The following C6orf120 variants were observed in gnomAD, a reference collection of about 807,000 sequenced individuals.
The protein encoded by C6orf120 is chromosome 6 open reading frame 120, also known as UPF0669 protein C6orf120.
For synonymous variants in C6orf120, 165 were observed against 123.1 expected, an observed-to-expected ratio of 1.34 and a Z score of -2.25; for missense variants, 311 against 264.2, an observed-to-expected ratio of 1.18 and a Z score of -1.23.
At chr6:169,706,064 G>C (rs1788775177), downstream of C6orf120, among the ~76,000 whole-genome samples, 5 of 152,186 alleles carry the variant, frequency 3.3e-5, no homozygotes, top group South Asian at 1.0e-3. Context: ...AATCCAAGTA[G>C]CAAATGACCA....
chr6:169,705,527 T>C (rs935668226), downstream of C6orf120: 6 of 834,404 alleles, frequency 7.2e-6, no homozygotes, highest in Admixed American at 3.7e-5. Context: ...GGTGACTCTT[T>C]GGTTGAAATC....
chr6:169,705,271 T>A, downstream of C6orf120: 2 of 1,613,464 alleles, frequency 1.2e-6, no homozygotes, highest in Non-Finnish European at 1.7e-6. Context: ...CATGGGTAGG[T>A]CTTAATCATA....
chr6:169,705,358 G>A, downstream of C6orf120: 1 of 1,448,722 alleles, frequency 6.9e-7, no homozygotes, highest in Non-Finnish European at 9.5e-7. Context: ...TCTCACATAA[G>A]AAATTTTAAC....
chr6:169,704,125 T>C (rs1053549804), exon 1 of C6orf120: 4 of 1,488,848 alleles, frequency 2.7e-6, no homozygotes, highest in Non-Finnish European at 3.6e-6. Context: ...TGAAAAATTA[T>C]CTTTACAGGA....
At chr6:169,706,337 T>G (rs978446064), downstream of C6orf120, among the ~76,000 whole-genome samples, 1 of 152,016 alleles carries the variant, frequency 6.6e-6, no homozygotes, top group Non-Finnish European at 1.5e-5. Context: ...GCATGTCTAA[T>G]AAAAGAATCT....
At chr6:169,702,138 G>A (rs1315245906), upstream of C6orf120, 2 of 589,908 alleles carry the variant, frequency 3.4e-6, no homozygotes, top group East Asian at 3.7e-5. Flanking sequence ...TTCCGCCTCC[G>A]GCGAGGCTCC....
At chr6:169,705,046 T>C (rs952998979), downstream of C6orf120, 3 of 972,164 alleles carry the variant, frequency 3.1e-6, no homozygotes, top group South Asian at 3.8e-5. Flanking sequence ...AAGCTCTTCA[T>C]GTCATGATAG....
At chr6:169,702,686 C>T (rs866493031) in exon 1 of C6orf120, 6 of 1,613,352 alleles carry the variant, frequency 3.7e-6, no homozygotes, top group South Asian at 1.1e-5. Context: ...AAGGGAGATG[C>T]GGATCTGTAC....
chr6:169,703,087 C>T, exon 1 of C6orf120: 1 of 1,506,186 alleles, frequency 6.6e-7, no homozygotes, highest in Non-Finnish European at 9.0e-7. Context: ...AAGCTGATTG[C>T]AGTTTGCTGT....
chr6:169,702,204 C>G (rs576580290), exon 1 of C6orf120: 1 of 678,976 alleles, frequency 1.5e-6, no homozygotes, highest in East Asian at 2.8e-5. Context: ...GTGGTGAGTC[C>G]GAGGGTGCCA....
downstream of C6orf120, chr6:169,704,916 C>T (rs1788723010): frequency 9.7e-6 from 4 of 410,614 alleles, no homozygotes; most frequent in Non-Finnish European, 1.8e-5. Flanking sequence ...ACTTCCAAAA[C>T]TTAGCAGGGG....
chr6:169,702,540 A>G lies in C6orf120; in HGVS notation c.81A>G (p.Gly27=), dbSNP rs539202530. ...TAGCCTCGCAGGTCCTGTCTCCGGG[A>G]AGCTGCGCGGACGAGGAGGAGGTCC... The change falls in exon 1 of 1, where the codon GGA becomes GGG. Residue 27 remains glycine, a synonymous_variant. Coordinates refer to ENST00000332290, the Ensembl canonical transcript of C6orf120. 7 of 1,612,106 alleles carry G rather than the reference A, an allele frequency of 4.3e-6. No homozygotes were observed. The Admixed American group carries it at 6.7e-5, about 15-fold the overall frequency.
exon 1 of C6orf120, chr6:169,704,093 G>GA: frequency 1.3e-6 from 2 of 1,571,340 alleles, no homozygotes; most frequent in Non-Finnish European, 1.7e-6. Context: ...AGCGACCTAG[G>GA]AAAAAAATTG....
exon 1 of C6orf120, chr6:169,703,373 C>G (rs757578985): frequency 3.4e-6 from 1 of 291,902 alleles, no homozygotes; most frequent in Non-Finnish European, 6.9e-6. Flanking sequence ...AGGTTGATAA[C>G]TTTGTAATTT....
exon 1 of C6orf120, chr6:169,702,691 C>A: frequency 1.2e-6 from 2 of 1,613,490 alleles, no homozygotes; most frequent in Non-Finnish European, 1.7e-6. Context: ...AGATGCGGAT[C>A]TGTACGTCTC....
At chr6:169,704,772 A>G (rs959480071) in exon 1 of C6orf120, 17 of 181,918 alleles carry the variant, frequency 9.3e-5, no homozygotes, top group Non-Finnish European at 1.3e-4. Flanking sequence ...ACAGAAATCT[A>G]TAATAGATTT....
At chr6:169,703,118 G>A (rs1471612962) in exon 1 of C6orf120, 1 of 1,399,940 alleles carries the variant, frequency 7.1e-7, no homozygotes, top group African/African-American at 1.4e-5. Flanking sequence ...ACTTGTACTT[G>A]GTTGAAGTTC....
chr6:169,705,289 G>A, downstream of C6orf120: 1 of 1,612,600 alleles, frequency 6.2e-7, no homozygotes, highest in Non-Finnish European at 8.5e-7. Context: ...ATAGAAACAA[G>A]CTCCATTGTC....
downstream of C6orf120, chr6:169,705,200 C>T (rs1175772657): frequency 6.2e-7 from 1 of 1,613,718 alleles, no homozygotes; most frequent in African/African-American, 1.3e-5. Flanking sequence ...CACAGAACAT[C>T]ATTTCTTCTT....
Sources: allele counts gnomAD v4.1 joint callset (sites outside exome capture counted in the v4.1 genomes callset), GRCh38; gene constraint gnomAD v4.1.1; transcripts MANE v1.5; gene names NCBI Gene and HGNC (gene_info 2026-07-23, HGNC 2026-07-21).